SPIRE1: variants seen among roughly 807,000 people sequenced by gnomAD.
SPIRE1 encodes protein spire homolog 1.
Under a neutral mutation model 94.1 loss-of-function variants are expected in SPIRE1, and 40 were observed. The observed-to-expected ratio is 0.43, with a 90% CI of 0.33 to 0.55. The LOEUF (loss-of-function observed/expected upper bound fraction) is 0.55, where lower values mean the gene tolerates loss of function less well. Ranked by LOEUF, SPIRE1 falls within the 20% of genes least tolerant of loss-of-function variation. The probability of loss-of-function intolerance (pLI) is 0.06; values close to 1 mark genes in which losing one functional copy is unlikely to be tolerated. For missense variants in SPIRE1, 838 were observed against 975.2 expected, an observed-to-expected ratio of 0.86 and a Z score of 1.87; for synonymous variants, 376 against 371.7, an observed-to-expected ratio of 1.01 and a Z score of -0.13.
chr18:12,496,238 G>C (rs532852150), intron 6 of SPIRE1, 136 bp from the exon 7 acceptor site: 2 of 604,528 alleles, frequency 3.3e-6, no homozygotes, highest in African/African-American at 1.9e-5. Flanking sequence ...AATCAATAAA[G>C]TGGGGAGTAA....
At chr18:12,527,746 T>C (rs2034563438) in intron 4 of SPIRE1, among the ~76,000 whole-genome samples, 1 of 152,024 alleles carries the variant, frequency 6.6e-6, no homozygotes. Flanking sequence ...TTAAGGTTGA[T>C]TCTATTCTCC....
rs75981607 is a variant in SPIRE1, at chr18:12,455,938, A to G, written c.1639-1455T>C. 6.0e-3 allele frequency among the ~76,000 whole-genome samples: 910 copies of G among 152,360 alleles called. 5 individuals are homozygous for G. Among genetic ancestry groups the G allele is most frequent in the African/African-American group, 0.021 (867 of 41,590 alleles). ...AATCTAGGTTGCAAACTTGTCAAAC[A>G]TTAGCATTTTACTTAAAAAAGTAGT... is the stretch of plus-strand genomic sequence containing the variant. On this transcript the variant is annotated intron_variant, in intron 12 of 16. Transcript: ENST00000409402.
intron 3 of SPIRE1, among the ~76,000 whole-genome samples, chr18:12,538,691 C>G (rs1385403508): frequency 2.0e-5 from 3 of 152,084 alleles, no homozygotes; most frequent in Non-Finnish European, 4.4e-5. Context: ...CTTTTTTCCC[C>G]CCTTAATATA....
intron 4 of SPIRE1, among the ~76,000 whole-genome samples, chr18:12,524,914 G>A (rs1054018764): frequency 3.3e-5 from 5 of 151,892 alleles, no homozygotes; most frequent in East Asian, 1.9e-4. Context: ...AGGAGCTAAA[G>A]AGCTATGATC....
rs867141505 is a variant in SPIRE1, at chr18:12,658,026, G to C, written c.-160C>G. The C allele has an allele frequency of 3.0e-6, 3 of 992,870 alleles. No individual in the cohort carries two copies. The African/African-American group carries it at 5.3e-5, about 17-fold the overall frequency. The allele number at this position is 992,870 out of a possible 1,614,324, so 61.5% of individuals were successfully genotyped here. On this transcript the variant is annotated 5_prime_UTR_variant, in exon 1 of 17. Transcript: ENST00000409402. Reference sequence around the variant, plus strand: ...CCGGGACCAGGCGAGTGCCCGGGAGGCGTGGGCAAGAGGAGGGCGGCGAGG... The same window carrying C: ...CCGGGACCAGGCGAGTGCCCGGGAGCCGTGGGCAAGAGGAGGGCGGCGAGG...
In SPIRE1 at chr18:12,556,162, C is replaced by T. The variant is rs2035497540; in HGVS notation, c.373-9258G>A. On this transcript the variant is annotated intron_variant, in intron 2 of 16. Coordinates refer to ENST00000409402, the MANE Select transcript of SPIRE1 (RefSeq NM_001128626.2). ...CTGATGCAAGAAATTGAAGAGGACA[C>T]ACAAAAAATGGAAAGATAGTCGATG... Among the ~76,000 whole-genome samples the T allele has an allele frequency of 2.6e-5, 4 of 151,644 alleles. No individual in the cohort carries two copies. In the South Asian group the frequency reaches 8.3e-4, roughly 31 times the overall value.
intron 2 of SPIRE1, 93 bp downstream of exon 2, chr18:12,634,969 C>A: frequency 1.5e-6 from 1 of 656,118 alleles, no homozygotes; most frequent in Non-Finnish European, 2.6e-6. Context: ...ATCAGAAGAC[C>A]AAGAACCTAT....
intron 2 of SPIRE1, among the ~76,000 whole-genome samples, chr18:12,592,413 G>A (rs2036560304): frequency 6.6e-6 from 1 of 152,124 alleles, no homozygotes; most frequent in Admixed American, 6.5e-5. Flanking sequence ...CTTTTTGTAT[G>A]TGCATCAGAA....
At chr18:12,478,918 T>C (rs2032729787) in intron 10 of SPIRE1, among the ~76,000 whole-genome samples, 1 of 152,048 alleles carries the variant, frequency 6.6e-6, no homozygotes, top group Non-Finnish European at 1.5e-5. Flanking sequence ...GAATTTTCTT[T>C]TTTGGAGTTT....
At chr18:12,508,869 T>G (rs1323552898) in intron 5 of SPIRE1, among the ~76,000 whole-genome samples, 1 of 152,128 alleles carries the variant, frequency 6.6e-6, no homozygotes, top group Non-Finnish European at 1.5e-5. Flanking sequence ...AGACACAGGT[T>G]TCGTCATGTT....
At chr18:12,563,460 T>C (rs567007286) in intron 2 of SPIRE1, among the ~76,000 whole-genome samples, 6 of 152,322 alleles carry the variant, frequency 3.9e-5, no homozygotes, top group African/African-American at 1.4e-4. Flanking sequence ...TAGCCGGGAC[T>C]AGAAAACTCT....
intron 10 of SPIRE1, among the ~76,000 whole-genome samples, chr18:12,476,622 CAT>C (rs1400383911): frequency 1.5e-5 from 2 of 132,004 alleles, no homozygotes; most frequent in African/African-American, 2.8e-5. Context: ...TATACACACA[CAT>C]ATATATACAC....
At chr18:12,499,851 G>C (rs893256611) in intron 6 of SPIRE1, among the ~76,000 whole-genome samples, 5 of 152,196 alleles carry the variant, frequency 3.3e-5, no homozygotes, top group Non-Finnish European at 7.3e-5. Flanking sequence ...TTATCTATCT[G>C]TCAGGGGTCC....
chr18:12,615,345 A>AAAAAAAAAAAAAAAAAAAAATATATATAT, intron 2 of SPIRE1, among the ~76,000 whole-genome samples: 1 of 17,244 alleles, frequency 5.8e-5, no homozygotes, highest in Non-Finnish European at 1.9e-4. Context: ...AAAAAAAAAA[A>AAAAAAAAAAAAAAAAAAAAATATATATAT]ATATATATAT....
At chr18:12,461,597 A>G (rs879609908) in intron 12 of SPIRE1, among the ~76,000 whole-genome samples, 67 of 58,814 alleles carry the variant, frequency 1.1e-3, no homozygotes, top group Admixed American at 1.3e-3. Context: ...ATACATACAT[A>G]CACACACATA....
intron 2 of SPIRE1, among the ~76,000 whole-genome samples, chr18:12,584,472 A>C (rs906899338): frequency 2.6e-5 from 4 of 152,148 alleles, no homozygotes; most frequent in African/African-American, 9.7e-5. Context: ...AACAGTATTT[A>C]AAAGAACCAA....
chr18:12,473,109 A>G lies in SPIRE1; in HGVS notation c.1404+6590T>C, dbSNP rs575170937. 2.0e-5 allele frequency among the ~76,000 whole-genome samples: 3 copies of G among 152,164 alleles called. No homozygotes were observed. The South Asian group carries it at 6.2e-4, about 32-fold the overall frequency. ...CACACCCAGCCAAATTTTTGTAGAG[A>G]TGGGGGTCTTGCTATGTTGCTCAGG... On this transcript the variant is annotated intron_variant, in intron 10 of 16. Coordinates refer to ENST00000409402, the MANE Select transcript of SPIRE1 (RefSeq NM_001128626.2).
intron 2 of SPIRE1, among the ~76,000 whole-genome samples, chr18:12,569,151 T>C (rs190112053): frequency 2.0e-5 from 3 of 152,158 alleles, no homozygotes; most frequent in Admixed American, 2.0e-4. Context: ...CCATCCTGGC[T>C]AACACGGTGA....
intron 12 of SPIRE1, among the ~76,000 whole-genome samples, chr18:12,457,907 C>A (rs771119057): frequency 6.8e-6 from 1 of 146,798 alleles, no homozygotes; most frequent in Admixed American, 6.9e-5. Context: ...TGCAGTGGTG[C>A]GATCTCAGCT....
Sources: allele counts gnomAD v4.1 joint callset (sites outside exome capture counted in the v4.1 genomes callset), GRCh38; gene constraint gnomAD v4.1.1; transcripts MANE v1.5; gene names NCBI Gene and HGNC (gene_info 2026-07-23, HGNC 2026-07-21).